The following IL33 variants were observed in gnomAD, a reference collection of about 807,000 sequenced individuals.
The protein encoded by IL33 is interleukin-33.
Under a neutral mutation model 27.3 loss-of-function variants are expected in IL33, and 37 were observed. That is an observed-to-expected ratio of 1.36 (90% CI 1.04 to 1.78). The LOEUF (loss-of-function observed/expected upper bound fraction) is 1.78, where lower values mean the gene tolerates loss of function less well. Among genes scored for constraint, IL33 ranks in the 40% most tolerant of loss-of-function variants. The pLI is 0.00. For missense variants in IL33, 406 were observed against 311.4 expected, an observed-to-expected ratio of 1.30 and a Z score of -2.29; for synonymous variants, 132 against 102.9, an observed-to-expected ratio of 1.28 and a Z score of -1.71.
At chr9:6,216,928 G>A (rs1244735890) in intron 1 of IL33, among the ~76,000 whole-genome samples, 1 of 152,218 alleles carries the variant, frequency 6.6e-6, no homozygotes, top group African/African-American at 2.4e-5. Flanking sequence ...GCATGGCAGT[G>A]AAGAGTTTAA....
intron 2 of IL33, among the ~76,000 whole-genome samples, chr9:6,249,418 A>T (rs536018188): frequency 1.3e-5 from 2 of 152,310 alleles, no homozygotes; most frequent in South Asian, 4.1e-4. Context: ...CATTTACTAC[A>T]TAATGTTAAA....
chr9:6,220,252 T>C (rs1006091939), intron 1 of IL33, among the ~76,000 whole-genome samples: 4 of 152,214 alleles, frequency 2.6e-5, no homozygotes, highest in Admixed American at 6.5e-5. Flanking sequence ...CCCCTCCACT[T>C]TGAACATTCC....
At chr9:6,221,373 T>C (rs1051584320) in intron 1 of IL33, among the ~76,000 whole-genome samples, 25 of 152,172 alleles carry the variant, frequency 1.6e-4, no homozygotes, top group Admixed American at 4.6e-4. Context: ...GTTTGGAGGA[T>C]ACCGTGCCTA....
chr9:6,254,715 T>C (rs1019186750), intron 7 of IL33, among the ~76,000 whole-genome samples, 162 bp downstream of exon 7: 1 of 152,158 alleles, frequency 6.6e-6, no homozygotes. Flanking sequence ...ATGACTTGCT[T>C]CTAGAGTAAG....
In IL33 at chr9:6,251,274, G is replaced by T; in HGVS notation, c.343+9G>T. On this transcript the variant is annotated intron_variant, in intron 4 of 7. Coordinates refer to ENST00000682010, the MANE Select transcript of IL33 (RefSeq NM_033439.4). ...TGATTCAAGTATCACAGGTATGACTGGTTACAGGGGTGATGTGGGAGTGAG... is the reference window on the plus strand; with the variant it reads ...TGATTCAAGTATCACAGGTATGACTTGTTACAGGGGTGATGTGGGAGTGAG... 1 of 1,612,418 alleles carries T rather than the reference G, an allele frequency of 6.2e-7. No individual in the cohort carries two copies. The highest frequency in any genetic ancestry group is 1.1e-5 in the South Asian group (1 of 90,926).
chr9:6,227,567 G>C lies in IL33; in HGVS notation c.-12+11715G>C, dbSNP rs544907765. 3.4e-4 allele frequency among the ~76,000 whole-genome samples: 52 copies of C among 152,186 alleles called. 1 individual carries two copies. The highest frequency in any genetic ancestry group is 2.5e-3 in the South Asian group (12 of 4,808). On this transcript the variant is annotated intron_variant, in intron 1 of 7. Transcript: ENST00000682010. ...TAATAAGTTAATGATTTTGTCTTCT[G>C]TTATCTATTAGGCTTCCATGCAATA...
intron 1 of IL33, among the ~76,000 whole-genome samples, chr9:6,234,407 T>C (rs1819079273): frequency 6.6e-6 from 1 of 152,288 alleles, no homozygotes; most frequent in Non-Finnish European, 1.5e-5. Flanking sequence ...TGGAATTATG[T>C]CCACTTCCCT....
intron 1 of IL33, among the ~76,000 whole-genome samples, chr9:6,233,527 G>C (rs1819032006): frequency 6.6e-6 from 1 of 152,068 alleles, no homozygotes; most frequent in Non-Finnish European, 1.5e-5. Context: ...ATACTCAAGA[G>C]TCTATCACAT....
Position 6,253,093 on chromosome 9 carries a change from G to A in IL33, c.469+102G>A, listed in dbSNP as rs972017082. ...TTAAACAATGGATTAACTTAGACAT[G>A]GCAAACAGGTCATGCTGTGTGCTAA... On this transcript the variant is annotated intron_variant, in intron 5 of 7. Transcript: ENST00000682010. 24 of 813,350 alleles carry A rather than the reference G, an allele frequency of 3.0e-5. No individual in the cohort carries two copies. In the Admixed American group the frequency reaches 7.0e-4, roughly 24 times the overall value. The allele number at this position is 813,350 out of a possible 1,614,324, so 50.4% of individuals were successfully genotyped here. A position where few individuals can be genotyped will look rare whatever the true frequency, so the allele number is the denominator to read the frequency against.
Position 6,255,937 on chromosome 9 carries a change from A to C in IL33, c.613-31A>C, listed in dbSNP as rs776251149. On this transcript the variant is annotated intron_variant, in intron 7 of 7. Coordinates refer to ENST00000682010, the MANE Select transcript of IL33 (RefSeq NM_033439.4). The stretch of plus-strand genomic sequence containing the variant: ...AGTTGACTCTGAACTTCCCATTCAC[A>C]TATGGATTGCTTTCTCTCTTGTTTC... 6.3e-6 allele frequency: 10 copies of C among 1,581,778 alleles called. No individual in the cohort carries two copies. In the South Asian group the frequency reaches 7.7e-5, roughly 12 times the overall value.
At position 6,252,889 on chromosome 9, in the gene IL33, C is replaced by G; in HGVS notation, c.367C>G (p.Leu123Val). 6.2e-7 allele frequency: 1 copy of G among 1,609,224 alleles called. No homozygotes were observed. The highest frequency in any genetic ancestry group is 8.5e-7 in the Non-Finnish European group (1 of 1,177,806). Reference sequence around the variant, plus strand: ...AGGAATTTCACCTATTACAGAGTATCTTGCTTCTCTAAGCACATACAATGA... The same window carrying G: ...AGGAATTTCACCTATTACAGAGTATGTTGCTTCTCTAAGCACATACAATGA... ...ITGISPITEY[L>V]ASLSTYNDQS... is the part of the protein sequence containing the mutation. Residue 123 changes from leucine (L) to valine (V), a missense_variant, in exon 5 of 8, where the codon CTT (leucine) becomes GTT (valine). Physicochemically the swap from Leu to Val is conservative, Grantham distance 32. Transcript: ENST00000682010.
chr9:6,249,851 A>G (rs1816229193), intron 2 of IL33, among the ~76,000 whole-genome samples: 1 of 152,212 alleles, frequency 6.6e-6, no homozygotes, highest in Admixed American at 6.5e-5. Context: ...TAAAATCATT[A>G]GCACAGCGTT....
At chr9:6,255,338 G>C (rs1816662900) in intron 7 of IL33, among the ~76,000 whole-genome samples, 1 of 152,000 alleles carries the variant, frequency 6.6e-6, no homozygotes, top group Non-Finnish European at 1.5e-5. Flanking sequence ...ATCTTCCTAA[G>C]CAAAACATTC....
chr9:6,242,086 C>T (rs73398532), intron 2 of IL33: 2,294 of 177,052 alleles, frequency 0.013, 60 homozygotes, highest in African/African-American at 0.051. Flanking sequence ...CTCCACACAC[C>T]TCCTGCTGCC....
chr9:6,219,554 G>T (rs776522584), intron 1 of IL33, among the ~76,000 whole-genome samples: 1 of 152,130 alleles, frequency 6.6e-6, no homozygotes, highest in Non-Finnish European at 1.5e-5. Context: ...AGGCAGTCAG[G>T]CCTCCAGTCC....
chr9:6,253,424 C>A (rs1816526353), intron 5 of IL33, 128 bp from the exon 6 acceptor site: 2 of 598,158 alleles, frequency 3.3e-6, no homozygotes, highest in Non-Finnish European at 5.8e-6. Flanking sequence ...TTCTCAAAAC[C>A]ACAAAAGATT....
intron 1 of IL33, among the ~76,000 whole-genome samples, chr9:6,233,166 A>C (rs1320852364): frequency 3.3e-5 from 5 of 152,072 alleles, no homozygotes; most frequent in Non-Finnish European, 5.9e-5. Context: ...CCACATTCCA[A>C]AGTTAATTCT....
In IL33 at chr9:6,254,477, G is replaced by C. The variant is rs768931199; in HGVS notation, c.536G>C (p.Gly179Ala). Residue 179 changes from glycine to alanine, a missense_variant, in exon 7 of 8, where the codon GGT becomes GCT. Coordinates refer to ENST00000682010, the MANE Select transcript of IL33 (RefSeq NM_033439.4). ...TAATTGTAAGGTGACGGTGTTGATG[G>C]TAAGATGTTAATGGTAACCCTGAGT... ...PSNESGDGVD[G>A]KMLMVTLSPT... 6.3e-7 allele frequency: 1 copy of C among 1,588,018 alleles called. No homozygotes were observed. The highest frequency in any genetic ancestry group is 1.3e-5 in the African/African-American group (1 of 74,402).
intron 1 of IL33, among the ~76,000 whole-genome samples, chr9:6,218,899 CATATAT>C (rs200982905): frequency 0.1 from 2,314 of 22,618 alleles, 336 homozygotes; most frequent in East Asian, 0.12. Flanking sequence ...ATATGTTCTC[CATATAT>C]ATATATATAT....
Sources: allele counts gnomAD v4.1 joint callset (sites outside exome capture counted in the v4.1 genomes callset), GRCh38; gene constraint gnomAD v4.1.1; transcripts MANE v1.5; gene names NCBI Gene and HGNC (gene_info 2026-07-23, HGNC 2026-07-21).